RECQL5: variants seen among roughly 807,000 people sequenced by gnomAD.
RECQL5 encodes the protein RecQ like helicase 5, also known as ATP-dependent DNA helicase Q5.
In RECQL5, 88 loss-of-function variants were observed where a neutral mutation model predicts 103.4. The ratio of observed to expected loss-of-function variants is 0.85; its 90% CI spans 0.72 to 1.02. The LOEUF is 1.02. Among genes scored for constraint, RECQL5 ranks in the 50% least tolerant of loss-of-function variants. The pLI, the probability that RECQL5 is intolerant of heterozygous loss-of-function variation, is 0.00. For synonymous variants in RECQL5, 552 were observed against 507.9 expected (o/e 1.09, Z -1.17); for missense variants, 1,232 against 1,284.3 (o/e 0.96, Z 0.62).
intron 17 of RECQL5, 107 bp from the exon 18 acceptor site, chr17:75,628,549 C>A: frequency 6.6e-7 from 1 of 1,513,246 alleles, no homozygotes; most frequent in Non-Finnish European, 8.9e-7. Context: ...TCCAGCCCAG[C>A]CCATCTGCTG....
rs2059156436 is a variant in RECQL5 at position 75,628,970 on chromosome 17, G to T, written c.2453C>A (p.Pro818His). The T allele has an allele frequency of 6.4e-7, 1 of 1,566,528 alleles. No homozygotes were observed. Among genetic ancestry groups the T allele is most frequent in the South Asian group, 1.2e-5 (1 of 83,650 alleles). ...CCTGAGGCACTCCTCAGTCTGGGGA[G>T]GGGCAGGCGAATGTCCCCCGGCTCC... ...EDGAGGHSPA[P>H]PQTEECLRER... The change falls in exon 16 of 20, where the codon CCT becomes CAT. Residue 818 changes from proline to histidine, a missense_variant. Pro to His is a moderately conservative substitution (Grantham distance 77). Coordinates refer to ENST00000317905, the MANE Select transcript of RECQL5 (RefSeq NM_004259.7).
chr17:75,627,782 G>A, intron 18 of RECQL5, 90 bp from the exon 19 acceptor site: 1 of 1,136,080 alleles, frequency 8.8e-7, no homozygotes, highest in South Asian at 1.4e-5. Context: ...CACTTTGGGA[G>A]GCCGAGGCGG....
chr17:75,645,692 G>A (rs1009965943), intron 8 of RECQL5, among the ~76,000 whole-genome samples: 12 of 152,164 alleles, frequency 7.9e-5, no homozygotes, highest in African/African-American at 2.9e-4. Context: ...GAAAACATCA[G>A]GTAACCCGGG....
chr17:75,648,553 T>G (rs898949339), intron 8 of RECQL5, among the ~76,000 whole-genome samples: 5 of 151,974 alleles, frequency 3.3e-5, no homozygotes, highest in African/African-American at 1.2e-4. Flanking sequence ...TTTTGTATTT[T>G]TAGTAGAGAT....
At chr17:75,660,827 T>G (rs113394889) in intron 6 of RECQL5, 128 bp downstream of exon 6, 1 of 731,760 alleles carries the variant, frequency 1.4e-6, no homozygotes, top group African/African-American at 1.7e-5. Context: ...CTAAGGACTC[T>G]CTCCTGGAGC....
chr17:75,638,308 C>G (rs982726286), intron 8 of RECQL5: 1 of 152,196 alleles, frequency 6.6e-6, no homozygotes, highest in Non-Finnish European at 1.5e-5. Flanking sequence ...TGGTGAAATC[C>G]TGTTTCTACT....
chr17:75,628,892 C>T lies in RECQL5; in HGVS notation c.2489+42G>A, dbSNP rs367736940. The T allele has an allele frequency of 5.7e-5, 90 of 1,582,066 alleles. No homozygotes were observed. The Middle Eastern group carries it at 6.7e-4, about 12-fold the overall frequency. ...GCCCAGTGAGCAAAGGGGATGCTGC[C>T]GTGTAGGTTCCAGAAGATTCTATGA... On this transcript the variant is annotated intron_variant, in intron 16 of 19. Coordinates refer to ENST00000317905, the MANE Select transcript of RECQL5 (RefSeq NM_004259.7).
intron 7 of RECQL5, among the ~76,000 whole-genome samples, chr17:75,656,715 G>A (rs529754813): frequency 1.0e-4 from 15 of 149,818 alleles, no homozygotes; most frequent in Middle Eastern, 3.5e-3. Context: ...TTATCCTTGC[G>A]AATTTATGTA....
chr17:75,662,988 C>T lies in RECQL5; in HGVS notation c.262G>A (p.Asp88Asn). Reference protein sequence around the residue: ...PLIALIQDQVDHLLTLKVRVS... With the variant: ...PLIALIQDQVNHLLTLKVRVS... ...CGTACCTTTAGGGTTAGCAAGTGGT[C>T]CACTTGGTCCTAAGAGAAGAGAAAG... The change falls in exon 4 of 20, where the codon GAC (aspartate) becomes AAC (asparagine). Residue 88 changes from aspartate to asparagine, a missense_variant. By Grantham distance (23) the Asp-to-Asn change is conservative. Transcript: ENST00000317905. 4 of 1,599,654 alleles carry T rather than the reference C, an allele frequency of 2.5e-6. No individual in the cohort carries two copies. The South Asian group carries it at 4.5e-5, about 18-fold the overall frequency.
rs918561189 is a variant in RECQL5 at position 75,639,928 on chromosome 17, G to A, written c.1230-8260C>T. On this transcript the variant is annotated intron_variant, in intron 8 of 19. Coordinates refer to ENST00000317905, the MANE Select transcript of RECQL5 (RefSeq NM_004259.7). Reference sequence around the variant, plus strand: ...ACCACCACCAGCCGCCGCCTTGGCCGGCAGCCCCCGAAGCAAGCCCTTGGT... The same window carrying A: ...ACCACCACCAGCCGCCGCCTTGGCCAGCAGCCCCCGAAGCAAGCCCTTGGT... 39 of 369,484 alleles carry A rather than the reference G, an allele frequency of 1.1e-4. No individual in the cohort carries two copies. The East Asian group carries it at 1.2e-3, about 12-fold the overall frequency. 22.9% of individuals were successfully genotyped at this position (369,484 alleles called of 1,614,324 possible).
At chr17:75,641,473 C>T (rs1217911207) in intron 8 of RECQL5, 2 of 152,802 alleles carry the variant, frequency 1.3e-5, no homozygotes, top group Non-Finnish European at 2.9e-5. Context: ...TGGCTGGTGC[C>T]CGTCCTTCCC....
At chr17:75,655,518 G>A (rs148595464) in intron 7 of RECQL5, among the ~76,000 whole-genome samples, 6,389 of 151,512 alleles carry the variant, frequency 0.042, 397 homozygotes, top group African/African-American at 0.14. Flanking sequence ...CGCCCGCCAC[G>A]ACGCCCAGCT....
chr17:75,630,973 C>T lies in RECQL5; in HGVS notation c.1585+1G>A, dbSNP rs756608119. Reference sequence around the variant, plus strand: ...GCCTCCAGGAACATTTCTGTACTGACCTGGGGGTACAAATTCTTCTATCTT... The same window carrying T: ...GCCTCCAGGAACATTTCTGTACTGATCTGGGGGTACAAATTCTTCTATCTT... On this transcript the variant is annotated splice_donor_variant, in intron 11 of 19. Coordinates refer to ENST00000317905, the MANE Select transcript of RECQL5 (RefSeq NM_004259.7). LOFTEE classifies it high-confidence loss of function. 2 of 1,613,814 alleles carry T rather than the reference C, an allele frequency of 1.2e-6. No individual in the cohort carries two copies. Among genetic ancestry groups the T allele is most frequent in the South Asian group, 2.2e-5 (2 of 91,014 alleles).
rs1363689620 is a variant in RECQL5, at chr17:75,631,403, G to A, written c.1448+47C>T. On this transcript the variant is annotated intron_variant, in intron 9 of 19. Transcript: ENST00000317905. ...GGTCTGGCCCTGGCGCCAAGGGAATGCCAGGCAATTCCAGCGGGTTGGAGC... is the reference window on the plus strand; with the variant it reads ...GGTCTGGCCCTGGCGCCAAGGGAATACCAGGCAATTCCAGCGGGTTGGAGC... 2.5e-6 allele frequency: 4 copies of A among 1,585,284 alleles called. No homozygotes were observed. In the Admixed American group the frequency reaches 5.0e-5, roughly 20 times the overall value.
At chr17:75,654,226 A>G (rs2059589596) in intron 7 of RECQL5, among the ~76,000 whole-genome samples, 1 of 152,106 alleles carries the variant, frequency 6.6e-6, no homozygotes. Context: ...CCATTTACTT[A>G]GATTTCAGTA....
intron 15 of RECQL5, 49 bp downstream of exon 15, chr17:75,629,659 T>A (rs1191159188): frequency 6.4e-7 from 1 of 1,562,336 alleles, no homozygotes; most frequent in Admixed American, 1.8e-5. Context: ...AGAGGGGAAG[T>A]GAAGCCTTTC....
At chr17:75,660,848 T>C (rs2038984438) in intron 6 of RECQL5, 107 bp downstream of exon 6, 2 of 829,180 alleles carry the variant, frequency 2.4e-6, no homozygotes, top group Non-Finnish European at 4.2e-6. Context: ...TTCCTTCCCC[T>C]CTAGCCCTCG....
At chr17:75,650,478 C>G (rs1368416689) in intron 8 of RECQL5, 2 of 1,388,658 alleles carry the variant, frequency 1.4e-6, no homozygotes, top group East Asian at 5.2e-5. Context: ...CTACCATGAG[C>G]TTCGTGACTG....
Position 75,628,398 on chromosome 17 carries a change from G to C in RECQL5, c.2625C>G (p.Ala875=). ...SQPQKRPRPS[A]KPSVVAEVKG... is the part of the protein sequence containing the mutation. ...TGACCTCAGCTACGACGGAGGGCTTGGCTGAGGGGCGTGGCCTCTTCTGAG... is the reference window on the plus strand; with the variant it reads ...TGACCTCAGCTACGACGGAGGGCTTCGCTGAGGGGCGTGGCCTCTTCTGAG... The change falls in exon 18 of 20, where the codon GCC becomes GCG. Residue 875 remains alanine, a synonymous_variant. Transcript: ENST00000317905. 1 of 1,613,928 alleles carries C rather than the reference G, an allele frequency of 6.2e-7. No individual in the cohort carries two copies. Among genetic ancestry groups the C allele is most frequent in the African/African-American group, 1.3e-5 (1 of 75,050 alleles).
Sources: gnomAD v4.1 joint callset for allele counts (sites outside exome capture counted in the v4.1 genomes callset) on GRCh38, gnomAD v4.1.1 for gene constraint, MANE v1.5 for transcripts, NCBI Gene and HGNC (gene_info 2026-07-23, HGNC 2026-07-21) for gene names.